Variants in EHF observed in about 807,000 individuals in gnomAD.
EHF encodes ETS homologous factor.
EHF carries 14 observed loss-of-function variants against 45.1 expected under a neutral mutation model. That is an observed-to-expected ratio of 0.31 (90% CI 0.21 to 0.49). EHF has a LOEUF of 0.49. Ranked by LOEUF, EHF falls within the 20% of genes least tolerant of loss-of-function variation. The pLI, the probability that EHF is intolerant of heterozygous loss-of-function variation, is 0.99. For missense variants in EHF, 282 were observed against 371.4 expected (o/e 0.76, Z 1.98); for synonymous variants, 136 against 131.8 (o/e 1.03, Z -0.22).
Position 34,646,534 on chromosome 11 carries a change from A to T in EHF, c.193A>T (p.Thr65Ser), listed in dbSNP as rs141935869. 1.8e-5 allele frequency: 29 copies of T among 1,613,874 alleles called. No homozygotes were observed. In the African/African-American group the frequency reaches 3.7e-4, roughly 21 times the overall value. Reference sequence around the variant, plus strand: ...GGAGTGGCTCCAGCACCTCCTGGACACCAACCAGCTGGATGCCAATTGTAT... The same window carrying T: ...GGAGTGGCTCCAGCACCTCCTGGACTCCAACCAGCTGGATGCCAATTGTAT... The part of the protein sequence containing the change: ...VWEWLQHLLD[T>S]NQLDANCIPF... The change falls in exon 3 of 9, where the codon ACC becomes TCC. Residue 65 changes from threonine to serine, a missense_variant. Thr to Ser is a moderately conservative substitution (Grantham distance 58). This residue lies in a region of EHF where 213 missense variants were observed against 247.3 expected (regional missense o/e 0.86). Transcript: ENST00000257831.
At chr11:34,643,365 T>C (rs1590482635) in intron 2 of EHF, among the ~76,000 whole-genome samples, 1 of 152,314 alleles carries the variant, frequency 6.6e-6, no homozygotes, top group South Asian at 2.1e-4. Flanking sequence ...AAGTTGTTGC[T>C]GAATCGGGAA....
intron 5 of EHF, 53 bp from the exon 6 acceptor site, chr11:34,651,684 T>G (rs1855185542): frequency 6.2e-7 from 1 of 1,609,860 alleles, no homozygotes; most frequent in Admixed American, 1.7e-5. Flanking sequence ...TGTTCTATTG[T>G]GAGGTGGGGG....
intron 3 of EHF, 136 bp from the exon 4 acceptor site, chr11:34,648,883 C>A: frequency 2.6e-6 from 2 of 767,528 alleles, no homozygotes; most frequent in South Asian, 2.2e-5. Flanking sequence ...GAGAAACCAC[C>A]TCCCATAAAC....
chr11:34,660,697 TC>T lies in EHF; in HGVS notation c.*1768del, dbSNP rs1414821582. 6.6e-6 allele frequency: 1 copy of T among 152,140 alleles called. No homozygotes were observed. The highest frequency in any genetic ancestry group is 1.5e-5 in the Non-Finnish European group (1 of 68,016). 9.4% of individuals were successfully genotyped at this position (152,140 alleles called of 1,614,324 possible). A position where few individuals can be genotyped will look rare whatever the true frequency, so the allele number is the denominator to read the frequency against. On this transcript the variant is annotated 3_prime_UTR_variant, in exon 9 of 9. Transcript: ENST00000257831. ...TGGCTCTCTCATGTCCTTGGCTTGC[TC>T]CTCTATTCTACCTCTCTTTCTCCAG...
intron 3 of EHF, 74 bp from the exon 4 acceptor site, chr11:34,648,945 T>TATA: frequency 2.1e-6 from 3 of 1,419,802 alleles, no homozygotes; most frequent in Non-Finnish European, 3.0e-6. Context: ...AAGATGCCAG[T>TATA]TCTGTCCTTA....
intron 2 of EHF, among the ~76,000 whole-genome samples, chr11:34,645,507 C>G (rs1239339928): frequency 6.6e-6 from 1 of 152,164 alleles, no homozygotes; most frequent in East Asian, 1.9e-4. Flanking sequence ...TGACCTCAAG[C>G]ATACAATTTA....
intron 1 of EHF, among the ~76,000 whole-genome samples, chr11:34,624,757 G>T (rs950478169): frequency 1.3e-5 from 2 of 152,154 alleles, no homozygotes; most frequent in African/African-American, 4.8e-5. Flanking sequence ...TCTTCAGAGG[G>T]GGGTGGAAAT....
At chr11:34,645,845 T>C (rs1438282611) in intron 2 of EHF, among the ~76,000 whole-genome samples, 1 of 152,170 alleles carries the variant, frequency 6.6e-6, no homozygotes, top group Non-Finnish European at 1.5e-5. Flanking sequence ...TGAGGACTAC[T>C]AAAGGTAACT....
chr11:34,622,182 A>G, intron 1 of EHF: 1 of 219,194 alleles, frequency 4.6e-6, no homozygotes, highest in Non-Finnish European at 9.3e-6. Context: ...GGTAAATATC[A>G]GGCTGAGGTG....
At chr11:34,636,763 T>C (rs989384595) in intron 1 of EHF, among the ~76,000 whole-genome samples, 1 of 152,170 alleles carries the variant, frequency 6.6e-6, no homozygotes, top group South Asian at 2.1e-4. Flanking sequence ...CCGGGCCCGG[T>C]GGCTCACGCC....
At chr11:34,638,464 G>T (rs1853665406) in intron 1 of EHF, among the ~76,000 whole-genome samples, 2 of 152,278 alleles carry the variant, frequency 1.3e-5, no homozygotes, top group South Asian at 4.1e-4. Context: ...TTCTCCGGGA[G>T]AGGAAATGGC....
Position 34,649,020 on chromosome 11 carries a change from C to T in EHF, c.345C>T (p.Gly115=). The T allele has an allele frequency of 1.2e-6, 2 of 1,613,696 alleles. No individual in the cohort carries two copies. Among genetic ancestry groups the T allele is most frequent in the South Asian group, 1.1e-5 (1 of 91,020 alleles). ...ACTATCCCAATCTGTCCTTCACAGG[C>T]CAGTGCAGTAGTGACCTGTTCCAGT... ...YSNLQHLKWN[G]QCSSDLFQST... Residue 115 remains glycine, a splice_region_variant and synonymous_variant, in exon 4 of 9, where the codon GGC becomes GGT. Transcript: ENST00000257831.
chr11:34,625,615 C>G lies in EHF; in HGVS notation c.-4+4387C>G, dbSNP rs190719712. Among the ~76,000 whole-genome samples the G allele has an allele frequency of 4.2e-3, 633 of 152,274 alleles. 3 individuals carry two copies. The highest frequency in any genetic ancestry group is 0.016 in the South Asian group (78 of 4,826). ...GCGTCAACCTTGTATCTGGAGAAAC[C>G]AGAACTTGCAACAGGGCCAAGCAGG... is the stretch of plus-strand genomic sequence containing the variant. On this transcript the variant is annotated intron_variant, in intron 1 of 8. Transcript: ENST00000257831.
chr11:34,635,421 T>C (rs1853287287), intron 1 of EHF, among the ~76,000 whole-genome samples: 1 of 150,640 alleles, frequency 6.6e-6, no homozygotes, highest in African/African-American at 2.4e-5. Context: ...CTGTCCCTAT[T>C]AGCCCTAGCC....
At chr11:34,639,139 C>T (rs1017278961) in intron 1 of EHF, among the ~76,000 whole-genome samples, 4 of 152,162 alleles carry the variant, frequency 2.6e-5, no homozygotes, top group Admixed American at 6.5e-5. Flanking sequence ...GAAAGGTTAA[C>T]GTGCTCAAGG....
intron 4 of EHF, among the ~76,000 whole-genome samples, chr11:34,649,548 T>G (rs1194082854): frequency 6.6e-6 from 1 of 152,144 alleles, no homozygotes; most frequent in African/African-American, 2.4e-5. Context: ...TTAGGGGCCC[T>G]GGGGAGCTTC....
intron 2 of EHF, 93 bp downstream of exon 2, chr11:34,642,820 C>A: frequency 1.1e-6 from 1 of 915,960 alleles, no homozygotes. Context: ...AAAATATAGG[C>A]TTTACAGCAG....
chr11:34,633,333 G>C lies in EHF; in HGVS notation c.-3-9295G>C, dbSNP rs987303924. The stretch of plus-strand genomic sequence containing the variant: ...TTTGTCTCTAACTTTATAAGGACTT[G>C]CTTGCATTTATGGACATTTCTTTCA... On this transcript the variant is annotated intron_variant, in intron 1 of 8. Coordinates refer to ENST00000257831, the MANE Select transcript of EHF (RefSeq NM_012153.6). Among the ~76,000 whole-genome samples, 8 of 152,184 alleles carry C rather than the reference G, an allele frequency of 5.3e-5. 1 individual carries two copies. The South Asian group carries it at 1.0e-3, about 20-fold the overall frequency.
chr11:34,659,308 C>G lies in EHF; in HGVS notation c.*377C>G. ...AGGGCATTAAATGTTTTGTATGTGA[C>G]ATGATTTAGAAAAAGGTGATGCATC... On this transcript the variant is annotated 3_prime_UTR_variant, in exon 9 of 9. Transcript: ENST00000257831. 1 of 166,714 alleles carries G rather than the reference C, an allele frequency of 6.0e-6. No homozygotes were observed. Among genetic ancestry groups the G allele is most frequent in the South Asian group, 1.7e-4 (1 of 5,914 alleles). The allele number at this position is 166,714 out of a possible 1,614,324, so 10.3% of individuals were successfully genotyped here.
Sources: gnomAD v4.1 joint callset for allele counts (sites outside exome capture counted in the v4.1 genomes callset) on GRCh38, gnomAD v4.1.1 for gene constraint, gnomAD v4.1.1 regional missense constraint, MANE v1.5 for transcripts, NCBI Gene and HGNC (gene_info 2026-07-23, HGNC 2026-07-21) for gene names.